The following MINDY4 variants were observed in gnomAD, a reference collection of about 807,000 sequenced individuals.
MINDY4 encodes MINDY lysine 48 deubiquitinase 4, also known as probable ubiquitin carboxyl-terminal hydrolase MINDY-4.
MINDY4 carries 68 observed loss-of-function variants against 87.0 expected under a neutral mutation model. The ratio of observed to expected loss-of-function variants is 0.78; its 90% CI spans 0.64 to 0.96. The LOEUF is 0.96. Among genes scored for constraint, MINDY4 ranks in the 40% least tolerant of loss-of-function variants. MINDY4 has a pLI of 0.00. For synonymous variants in MINDY4, 379 were observed against 363.2 expected (o/e 1.04, Z -0.50); for missense variants, 919 against 928.2 (o/e 0.99, Z 0.13).
chr7:30,797,880 G>A (rs1193816812), intron 5 of MINDY4, among the ~76,000 whole-genome samples: 1 of 152,144 alleles, frequency 6.6e-6, no homozygotes, highest in East Asian at 1.9e-4. Flanking sequence ...GGTGAGACAT[G>A]GGCTAGAATA....
At chr7:30,812,728 C>A (rs1014927158) in intron 5 of MINDY4, among the ~76,000 whole-genome samples, 1 of 152,174 alleles carries the variant, frequency 6.6e-6, no homozygotes, top group African/African-American at 2.4e-5. Flanking sequence ...GTCTGCTGAG[C>A]CCTGGGAAGC....
At chr7:30,815,702 G>T (rs62446949) in intron 5 of MINDY4, among the ~76,000 whole-genome samples, 1 of 151,942 alleles carries the variant, frequency 6.6e-6, no homozygotes, top group African/African-American at 2.4e-5. Flanking sequence ...CTCTCCCTGG[G>T]GTAACATCAC....
intron 2 of MINDY4, 117 bp downstream of exon 2, chr7:30,778,668 T>C: frequency 7.9e-7 from 1 of 1,265,398 alleles, no homozygotes; most frequent in Non-Finnish European, 1.1e-6. Flanking sequence ...CTGTCACACT[T>C]GCGGTCAGAG....
intron 5 of MINDY4, among the ~76,000 whole-genome samples, chr7:30,801,683 G>A (rs1787655572): frequency 6.6e-6 from 1 of 152,108 alleles, no homozygotes; most frequent in African/African-American, 2.4e-5. Flanking sequence ...TCCAAAAATG[G>A]GGTTGATGAC....
chr7:30,877,393 A>G (rs1044480990), intron 15 of MINDY4, among the ~76,000 whole-genome samples: 1 of 152,146 alleles, frequency 6.6e-6, no homozygotes, highest in African/African-American at 2.4e-5. Flanking sequence ...AATAAAATTG[A>G]AGAAATTCAG....
chr7:30,882,500 CAG>C (rs1162095763), intron 16 of MINDY4, 139 bp downstream of exon 16: 3 of 817,538 alleles, frequency 3.7e-6, no homozygotes, highest in Non-Finnish European at 5.5e-6. Context: ...ACTGGGGGAT[CAG>C]AGAGCCAATG....
At chr7:30,855,512 A>G (rs1789543287) in intron 12 of MINDY4, among the ~76,000 whole-genome samples, 1 of 152,208 alleles carries the variant, frequency 6.6e-6, no homozygotes, top group Non-Finnish European at 1.5e-5. Context: ...AGGAAAAGGA[A>G]GTGACTGGTG....
intron 4 of MINDY4, among the ~76,000 whole-genome samples, chr7:30,790,902 C>T (rs1238454919): frequency 6.6e-6 from 1 of 152,188 alleles, no homozygotes; most frequent in Non-Finnish European, 1.5e-5. Flanking sequence ...CTGCATGAAC[C>T]TGCTCTCTGT....
chr7:30,840,016 C>T (rs1788984986), intron 8 of MINDY4, among the ~76,000 whole-genome samples: 1 of 152,144 alleles, frequency 6.6e-6, no homozygotes, highest in African/African-American at 2.4e-5. Flanking sequence ...GGTCGAGCCC[C>T]AGGACCACCA....
chr7:30,807,621 A>G (rs1201911912), intron 5 of MINDY4, among the ~76,000 whole-genome samples: 2 of 152,174 alleles, frequency 1.3e-5, no homozygotes, highest in African/African-American at 4.8e-5. Flanking sequence ...TGAAATCCAC[A>G]AGCAGACAGC....
chr7:30,771,502 C>G lies in MINDY4; in HGVS notation c.9C>G (p.Ser3Arg). 1 of 1,605,372 alleles carries G rather than the reference C, an allele frequency of 6.2e-7. No individual in the cohort carries two copies. The highest frequency in any genetic ancestry group is 8.5e-7 in the Non-Finnish European group (1 of 1,177,150). ...GAGCCAGAGCCAGAGCCATGGACAG[C>G]CTCTTCGTGGAGGAGGTGGCCGCCT... MD[S>R]LFVEEVAASL... The change falls in exon 1 of 18, where the codon AGC becomes AGG. Residue 3 changes from serine to arginine, a missense_variant. Transcript: ENST00000265299.
intron 5 of MINDY4, among the ~76,000 whole-genome samples, chr7:30,824,151 A>G (rs1348395825): frequency 3.9e-5 from 6 of 152,180 alleles, no homozygotes; most frequent in African/African-American, 1.2e-4. Flanking sequence ...TGGAGGTTGG[A>G]AAGTCCGAGG....
rs762589653 is a variant in MINDY4, at chr7:30,778,467, A to G, written c.99A>G (p.Glu33=). Residue 33 remains glutamate (E), a synonymous_variant, in exon 2 of 18, where the codon GAA becomes GAG. Transcript: ENST00000265299. ...LKKTCVTMDQ[E]RPRSDLSINN... Reference sequence around the variant, plus strand: ...AGACATGTGTGACCATGGACCAGGAACGCCCACGCTCTGACCTCAGCATAA... The same window carrying G: ...AGACATGTGTGACCATGGACCAGGAGCGCCCACGCTCTGACCTCAGCATAA... 1.9e-6 allele frequency: 3 copies of G among 1,614,058 alleles called. No individual in the cohort carries two copies. The highest frequency in any genetic ancestry group is 2.5e-6 in the Non-Finnish European group (3 of 1,180,022).
At chr7:30,808,217 T>G (rs1787871788) in intron 5 of MINDY4, among the ~76,000 whole-genome samples, 1 of 152,132 alleles carries the variant, frequency 6.6e-6, no homozygotes, top group African/African-American at 2.4e-5. Context: ...AGGAAGGAAT[T>G]GGCACTTGGA....
intron 15 of MINDY4, among the ~76,000 whole-genome samples, chr7:30,880,308 C>T (rs1226595339): frequency 4.8e-5 from 7 of 145,596 alleles, no homozygotes; most frequent in African/African-American, 1.8e-4. Flanking sequence ...CCGCACCCCC[C>T]CCCACCCCCG....
chr7:30,862,482 C>T (rs1789795880), intron 13 of MINDY4, among the ~76,000 whole-genome samples: 1 of 152,242 alleles, frequency 6.6e-6, no homozygotes, highest in South Asian at 2.1e-4. Flanking sequence ...CATCCCGGCA[C>T]CTCCAGCCTT....
chr7:30,781,280 T>A (rs1368952070), intron 2 of MINDY4: 1 of 152,286 alleles, frequency 6.6e-6, no homozygotes, highest in Non-Finnish European at 1.5e-5. Flanking sequence ...GGAATTTAAA[T>A]CCTTGCTGTT....
intron 1 of MINDY4, 22 bp from the exon 2 acceptor site, chr7:30,778,410 C>A (rs185223356): frequency 6.2e-7 from 1 of 1,614,046 alleles, no homozygotes; most frequent in South Asian, 1.1e-5. Context: ...TGGTAAACAG[C>A]GATTCAGCTT....
rs774475960 is a variant in MINDY4 at position 30,891,994 on chromosome 7, C to A, written c.2263C>A (p.Pro755Thr). The change falls in exon 18 of 18, where the codon CCC becomes ACC. Residue 755 changes from proline (P) to threonine (T), a missense_variant. Coordinates refer to ENST00000265299, the MANE Select transcript of MINDY4 (RefSeq NM_032222.3). The stretch of plus-strand genomic sequence containing the variant: ...ATCAGTGAACTGGAACGGCTCAGAC[C>A]CCATCCTGTGACCGTTGGATGTGGG... ...GASVNWNGSD[P>T]IL The A allele has an allele frequency of 6.2e-7, 1 of 1,614,046 alleles. No homozygotes were observed. The highest frequency in any genetic ancestry group is 8.5e-7 in the Non-Finnish European group (1 of 1,180,034).
Sources: allele counts gnomAD v4.1 joint callset (sites outside exome capture counted in the v4.1 genomes callset), GRCh38; gene constraint gnomAD v4.1.1; transcripts MANE v1.5; gene names NCBI Gene and HGNC (gene_info 2026-07-23, HGNC 2026-07-21).